NUP214: variants seen among roughly 807,000 people sequenced by gnomAD.
NUP214 encodes nuclear pore complex protein Nup214.
A neutral mutation model predicts 196.2 loss-of-function variants in NUP214; 79 were observed. The observed-to-expected ratio is 0.40, with a 90% CI of 0.34 to 0.49. The LOEUF (loss-of-function observed/expected upper bound fraction) is 0.49. Among genes scored for constraint, NUP214 ranks in the 20% least tolerant of loss-of-function variants. The pLI is 0.58. For missense variants in NUP214, 2,468 were observed against 2,539.0 expected (o/e 0.97, Z 0.60); for synonymous variants, 1,020 against 990.5 (o/e 1.03, Z -0.56).
chr9:131,203,571 C>T (rs1226726161), intron 30 of NUP214, among the ~76,000 whole-genome samples: 1 of 152,176 alleles, frequency 6.6e-6, no homozygotes, highest in Non-Finnish European at 1.5e-5. Context: ...TTTATCATCT[C>T]TGTTTTCCTT....
intron 1 of NUP214, chr9:131,126,325 A>G (rs1385048180): frequency 6.5e-6 from 1 of 153,312 alleles, no homozygotes; most frequent in Non-Finnish European, 1.5e-5. Flanking sequence ...AGGGAGGGCC[A>G]AGTGGTCCCA....
At chr9:131,179,064 A>T (rs545259344) in intron 24 of NUP214, among the ~76,000 whole-genome samples, 5 of 151,932 alleles carry the variant, frequency 3.3e-5, no homozygotes, top group Non-Finnish European at 7.4e-5. Context: ...CAGTACGATC[A>T]TGGCACACTG....
chr9:131,184,637 A>G (rs746898038), intron 24 of NUP214, among the ~76,000 whole-genome samples: 19 of 152,106 alleles, frequency 1.2e-4, no homozygotes, highest in Middle Eastern at 3.4e-3. Context: ...TGCCTGGCCT[A>G]TTTTTTCATA....
At chr9:131,209,245 G>A (rs1340154168) in intron 30 of NUP214, among the ~76,000 whole-genome samples, 3 of 152,020 alleles carry the variant, frequency 2.0e-5, no homozygotes, top group Non-Finnish European at 4.4e-5. Flanking sequence ...GGGCGTGGCA[G>A]TGCATGCCTG....
chr9:131,216,807 G>A (rs1264759842), intron 31 of NUP214, among the ~76,000 whole-genome samples: 8 of 152,148 alleles, frequency 5.3e-5, no homozygotes, highest in African/African-American at 1.7e-4. Context: ...GATTACAGGC[G>A]TGAGCCACCG....
At position 131,130,687 on chromosome 9, in the gene NUP214, G is replaced by A. The variant is rs1831520812; in HGVS notation, c.593-79G>A. 1.1e-5 allele frequency: 14 copies of A among 1,260,192 alleles called. 1 individual carries two copies. In the African/African-American group the frequency reaches 1.3e-4, roughly 12 times the overall value. The allele number at this position is 1,260,192 out of a possible 1,614,324, so 78.1% of individuals were successfully genotyped here. ...ATGGACTGACAGAGGAATGAGAATT[G>A]ATAATTAGCTGTGTGTGATAGATCT... On this transcript the variant is annotated intron_variant, in intron 4 of 35. Coordinates refer to ENST00000359428, the MANE Select transcript of NUP214 (RefSeq NM_005085.4).
At chr9:131,230,551 C>A (rs949332853) in intron 33 of NUP214, 79 bp from the exon 34 acceptor site, 608 of 1,552,402 alleles carry the variant, frequency 3.9e-4, no homozygotes, top group Non-Finnish European at 4.8e-4. Context: ...TTGGGACTTA[C>A]AGCAGGGGGC....
chr9:131,175,565 C>T lies in NUP214; in HGVS notation c.3263C>T (p.Ala1088Val). The stretch of plus-strand genomic sequence containing the variant: ...CCTAGTCCTTCCCACCCCATCTCAG[C>T]CCCGCAGGCAGCTGCCGCAGCAGCA... Reference protein sequence around the residue: ...GAPSPSHPISAPQAAAAAALR... With the variant: ...GAPSPSHPISVPQAAAAAALR... The change falls in exon 23 of 36, where the codon GCC becomes GTC. Residue 1088 changes from alanine (A) to valine (V), a missense_variant. Around this residue, in one of 5 missense-constraint regions of NUP214, gnomAD observed 1,801 missense variants for 1,779.4 expected, o/e 1.01. Transcript: ENST00000359428. The T allele has an allele frequency of 1.2e-6, 2 of 1,614,204 alleles. No homozygotes were observed. The highest frequency in any genetic ancestry group is 1.7e-6 in the Non-Finnish European group (2 of 1,180,032).
intron 29 of NUP214, 37 bp from the exon 30 acceptor site, chr9:131,201,610 A>G (rs759676386): frequency 6.5e-6 from 10 of 1,528,848 alleles, no homozygotes; most frequent in Admixed American, 3.4e-5. Flanking sequence ...GACTCATCCA[A>G]TCCAAATTGA....
intron 7 of NUP214, 37 bp from the exon 8 acceptor site, chr9:131,134,861 C>T (rs750772777): frequency 1.2e-5 from 17 of 1,373,450 alleles, no homozygotes; most frequent in Non-Finnish European, 1.5e-5. Context: ...AGAAAAATTG[C>T]ACATGAGAAT....
chr9:131,230,878 C>T, intron 34 of NUP214, 109 bp downstream of exon 34: 1 of 1,305,132 alleles, frequency 7.7e-7, no homozygotes, highest in African/African-American at 1.5e-5. Flanking sequence ...ATTTTAAAAG[C>T]TGACTGGGCA....
chr9:131,130,137 G>GTT (rs757856001), intron 4 of NUP214, among the ~76,000 whole-genome samples: 3,931 of 76,878 alleles, frequency 0.051, 930 homozygotes, highest in Middle Eastern at 0.19. Context: ...TTCTGGTTTT[G>GTT]TTTTTTTTTT....
chr9:131,193,682 C>T (rs537694238), intron 27 of NUP214, among the ~76,000 whole-genome samples: 4 of 80,214 alleles, frequency 5.0e-5, no homozygotes, highest in East Asian at 9.6e-4. Context: ...GGCAGAGTAT[C>T]ACTCCGTCAC....
intron 7 of NUP214, 95 bp downstream of exon 7, chr9:131,133,304 GTTTTTT>G (rs751108620): frequency 2.1e-5 from 9 of 421,940 alleles, no homozygotes; most frequent in Admixed American, 4.8e-5. Context: ...TTGTGTTTGT[GTTTTTT>G]TTTTTTTTTT....
At chr9:131,190,412 A>G (rs1231673136) in intron 26 of NUP214, 2 of 684,156 alleles carry the variant, frequency 2.9e-6, no homozygotes, top group Admixed American at 4.4e-5. Context: ...TCCGAGATTC[A>G]CCATTCATTG....
intron 30 of NUP214, among the ~76,000 whole-genome samples, chr9:131,206,731 C>T (rs1834099113): frequency 6.6e-6 from 1 of 152,200 alleles, no homozygotes; most frequent in African/African-American, 2.4e-5. Context: ...AGGCATGAGA[C>T]ACCATACCTG....
intron 24 of NUP214, among the ~76,000 whole-genome samples, chr9:131,184,577 A>C (rs1035995040): frequency 3.8e-4 from 57 of 150,648 alleles, no homozygotes; most frequent in African/African-American, 1.4e-3. Flanking sequence ...CTCAAGTGAT[A>C]CACCCACCTC....
Position 131,197,766 on chromosome 9 carries a change from C to T in NUP214, c.4272C>T (p.Val1424=), listed in dbSNP as rs781336208. The T allele has an allele frequency of 1.2e-6, 2 of 1,614,210 alleles. No homozygotes were observed. The highest frequency in any genetic ancestry group is 2.2e-5 in the South Asian group (2 of 91,092). Residue 1424 remains valine (V), a synonymous_variant, in exon 29 of 36, where the codon GTC becomes GTT. Coordinates refer to ENST00000359428, the MANE Select transcript of NUP214 (RefSeq NM_005085.4). ...LPVTSAGSSG[V]ISFGGTSLSA... ...TCACCAGTGCAGGATCCTCTGGGGT[C>T]ATCAGTTTTGGTGGGACATCTCTAA... is the stretch of plus-strand genomic sequence containing the variant.
rs774175865 is a variant in NUP214, at chr9:131,129,384, G to A, written c.499G>A (p.Val167Ile). The A allele has an allele frequency of 8.7e-6, 14 of 1,614,120 alleles. No individual in the cohort carries two copies. Among genetic ancestry groups the A allele is most frequent in the Non-Finnish European group, 8.5e-7 (1 of 1,180,052 alleles). The change falls in exon 4 of 36, where the codon GTT becomes ATT. Residue 167 changes from valine to isoleucine, a missense_variant. Val to Ile is a conservative substitution (Grantham distance 29, BLOSUM62 3). Around this residue, in one of 5 missense-constraint regions of NUP214, gnomAD observed 392 missense variants for 417.9 expected, o/e 0.94. Transcript: ENST00000359428. ...CCCCACTGTCCCCTCCATGGTGGCA[G>A]TTTGTCTGGCTGATGGTAGTATTGC... ...WNPTVPSMVA[V>I]CLADGSIAVL...
Sources: allele counts gnomAD v4.1 joint callset (sites outside exome capture counted in the v4.1 genomes callset), GRCh38; gene constraint gnomAD v4.1.1; regional missense constraint gnomAD v4.1.1; transcripts MANE v1.5; gene names NCBI Gene and HGNC (gene_info 2026-07-23, HGNC 2026-07-21).